Variants in TMEM233 observed in about 807,000 individuals in gnomAD.
TMEM233 encodes the protein transmembrane protein 233.
TMEM233 carries 6 observed loss-of-function variants against 11.2 expected under a neutral mutation model. That is an observed-to-expected ratio of 0.54 (90% CI 0.29 to 1.06). The LOEUF (loss-of-function observed/expected upper bound fraction) is 1.06. TMEM233 is among the 50% of genes least tolerant of loss of function. The probability of loss-of-function intolerance (pLI) is 0.08; values close to 1 mark genes in which losing one functional copy is unlikely to be tolerated. For synonymous variants in TMEM233, 59 were observed against 55.8 expected, an observed-to-expected ratio of 1.06 and a Z score of -0.26; for missense variants, 127 against 144.7, an observed-to-expected ratio of 0.88 and a Z score of 0.63.
At chr12:119,646,810 A>G (rs568431187), downstream of TMEM233, among the ~76,000 whole-genome samples, 7 of 152,336 alleles carry the variant, frequency 4.6e-5, no homozygotes, top group African/African-American at 1.7e-4. Context: ...CTGATTAGCA[A>G]CCTTAATTCC....
intron 1 of TMEM233, among the ~76,000 whole-genome samples, chr12:119,624,683 G>A (rs1954712876): frequency 6.6e-6 from 1 of 152,218 alleles, no homozygotes; most frequent in Non-Finnish European, 1.5e-5. Flanking sequence ...GGGCTGGGGA[G>A]AGGATGAATG....
rs1241086864 is a variant in TMEM233 at position 119,635,349 on chromosome 12, TC to T, written c.324-5346del. 2.0e-5 allele frequency among the ~76,000 whole-genome samples: 3 copies of T among 152,170 alleles called. No individual in the cohort carries two copies. In the East Asian group the frequency reaches 5.8e-4, roughly 29 times the overall value. On this transcript the variant is annotated intron_variant, in intron 2 of 2. Transcript: ENST00000426426. ...AGCCTGGAAATATGACAAGCCACCT[TC>T]CCCAAAAAATAATTCTAAATATTCT... is the stretch of plus-strand genomic sequence containing the variant.
At chr12:119,644,669 G>C (rs934254089), downstream of TMEM233, among the ~76,000 whole-genome samples, 3 of 151,912 alleles carry the variant, frequency 2.0e-5, no homozygotes, top group Admixed American at 2.0e-4. Context: ...AGTAGAGACT[G>C]GGTTTCACCA....
intron 2 of TMEM233, among the ~76,000 whole-genome samples, chr12:119,637,108 G>A (rs752459275): frequency 3.9e-5 from 6 of 152,166 alleles, no homozygotes; most frequent in South Asian, 4.1e-4. Flanking sequence ...TGAGCGGGGC[G>A]GCAGTCAGAA....
At chr12:119,606,887 C>A in intron 1 of TMEM233, among the ~76,000 whole-genome samples, 1 of 152,138 alleles carries the variant, frequency 6.6e-6, no homozygotes, top group East Asian at 1.9e-4. Context: ...AAATAATAAT[C>A]CATCTATTTA....
In TMEM233 at chr12:119,640,818, C is replaced by CCTGG; in HGVS notation, c.*113_*114insCTGG. On this transcript the variant is annotated 3_prime_UTR_variant, in exon 3 of 3. Coordinates refer to ENST00000426426, the MANE Select transcript of TMEM233 (RefSeq NM_001136534.3). ...CTTCAGACTGTGAGATCTTTTCCTC[C>CCTGG]AGGACTCTCCAGAGGCAGGTCCCTG... 1 of 1,194,238 alleles carries CCTGG rather than the reference C, an allele frequency of 8.4e-7. No homozygotes were observed. Among genetic ancestry groups the CCTGG allele is most frequent in the Non-Finnish European group, 1.2e-6 (1 of 848,618 alleles). The allele number at this position is 1,194,238 out of a possible 1,614,324, so 74.0% of individuals were successfully genotyped here.
At chr12:119,624,142 G>T (rs1954703959) in intron 1 of TMEM233, among the ~76,000 whole-genome samples, 2 of 151,718 alleles carry the variant, frequency 1.3e-5, no homozygotes, top group African/African-American at 4.9e-5. Context: ...TTGAGGTCAG[G>T]AGTTTGAAAC....
At chr12:119,649,594 T>C in the TMEM233 span, among the ~76,000 whole-genome samples, 1 of 152,096 alleles carries the variant, frequency 6.6e-6, no homozygotes, top group Non-Finnish European at 1.5e-5. Flanking sequence ...AAACAAAAAC[T>C]GAGCAACTGT....
intron 1 of TMEM233, among the ~76,000 whole-genome samples, chr12:119,612,750 C>CAA (rs35540796): frequency 1.8e-5 from 2 of 108,554 alleles, no homozygotes; most frequent in African/African-American, 7.4e-5. Flanking sequence ...GACTCCGTCT[C>CAA]AAAAAAAAAA....
chr12:119,621,538 G>A (rs1162569154), intron 1 of TMEM233, among the ~76,000 whole-genome samples: 1 of 152,104 alleles, frequency 6.6e-6, no homozygotes, highest in East Asian at 1.9e-4. Context: ...CTGTGTGTCT[G>A]TGCCTGTGTG....
intron 1 of TMEM233, among the ~76,000 whole-genome samples, chr12:119,597,241 T>C (rs2136667004): frequency 1.3e-5 from 2 of 152,334 alleles, no homozygotes; most frequent in East Asian, 3.9e-4. Context: ...TCTCTGTAAT[T>C]TATGATTTGT....
At chr12:119,650,627 T>TG in the TMEM233 span, among the ~76,000 whole-genome samples, 1 of 80,088 alleles carries the variant, frequency 1.2e-5, no homozygotes, top group African/African-American at 5.1e-5. Flanking sequence ...GCTTATTTGA[T>TG]TTTGTTGTTG....
intron 1 of TMEM233, among the ~76,000 whole-genome samples, chr12:119,597,754 G>A (rs1954075996): frequency 6.6e-6 from 1 of 152,154 alleles, no homozygotes; most frequent in Non-Finnish European, 1.5e-5. Context: ...GGATGTTGAT[G>A]GGTCAAGCAT....
chr12:119,613,472 A>G (rs1481893243), intron 1 of TMEM233, among the ~76,000 whole-genome samples: 7 of 152,204 alleles, frequency 4.6e-5, no homozygotes, highest in African/African-American at 1.4e-4. Context: ...GAAATAAATC[A>G]GGAGCTGAGT....
intron 2 of TMEM233, among the ~76,000 whole-genome samples, chr12:119,638,515 A>G (rs1955011282): frequency 6.6e-6 from 1 of 152,156 alleles, no homozygotes; most frequent in Non-Finnish European, 1.5e-5. Flanking sequence ...CCCACCCTGG[A>G]CCAATTAAAT....
intron 1 of TMEM233, among the ~76,000 whole-genome samples, chr12:119,618,440 C>T (rs1954578386): frequency 6.6e-6 from 1 of 152,164 alleles, no homozygotes; most frequent in Admixed American, 6.5e-5. Flanking sequence ...CAACAGCCTG[C>T]ACCATGCACC....
chr12:119,650,220 A>C, the TMEM233 span, among the ~76,000 whole-genome samples: 2 of 152,120 alleles, frequency 1.3e-5, no homozygotes, highest in African/African-American at 4.8e-5. Context: ...TTTGCCAGAC[A>C]TTCTGCTAAA....
At chr12:119,643,406 G>A (rs920204126), downstream of TMEM233, among the ~76,000 whole-genome samples, 3 of 152,242 alleles carry the variant, frequency 2.0e-5, no homozygotes, top group Admixed American at 6.5e-5. Flanking sequence ...TTGTTGGGAT[G>A]ATGGGCTTGT....
intron 1 of TMEM233, among the ~76,000 whole-genome samples, chr12:119,612,412 C>T (rs1480910993): frequency 1.3e-5 from 2 of 152,112 alleles, no homozygotes; most frequent in Non-Finnish European, 2.9e-5. Context: ...CTCAGGAGTT[C>T]CAGACCAGCC....
Sources: allele counts gnomAD v4.1 joint callset (sites outside exome capture counted in the v4.1 genomes callset), GRCh38; gene constraint gnomAD v4.1.1; transcripts MANE v1.5; gene names NCBI Gene and HGNC (gene_info 2026-07-23, HGNC 2026-07-21).